Variants in SCML4 observed in about 807,000 individuals in gnomAD.
SCML4 encodes Scm polycomb group protein like 4.
A neutral mutation model predicts 41.1 loss-of-function variants in SCML4; 34 were observed. The ratio of observed to expected loss-of-function variants is 0.83; its 90% CI spans 0.63 to 1.10. The LOEUF is 1.10. SCML4 is among the 50% of genes least tolerant of loss of function. SCML4 has a pLI of 0.00. For missense variants in SCML4, 522 were observed against 534.1 expected (o/e 0.98, Z 0.22); for synonymous variants, 214 against 220.9 (o/e 0.97, Z 0.28).
intron 2 of SCML4, among the ~76,000 whole-genome samples, chr6:107,760,866 A>G (rs1779524998): frequency 7.2e-6 from 1 of 138,944 alleles, no homozygotes; most frequent in African/African-American, 2.5e-5. Context: ...TTGAAAATAT[A>G]TCTGGGGAAC....
chr6:107,754,134 C>T (rs1778916005), intron 2 of SCML4, among the ~76,000 whole-genome samples: 1 of 152,192 alleles, frequency 6.6e-6, no homozygotes, highest in Non-Finnish European at 1.5e-5. Flanking sequence ...CAACAGCAAG[C>T]ACATTGGCTG....
chr6:107,724,365 A>C (rs10428838), intron 5 of SCML4, among the ~76,000 whole-genome samples: 2,169 of 152,314 alleles, frequency 0.014, 48 homozygotes, highest in African/African-American at 0.049. Context: ...AAGTACAACT[A>C]TCTCTTATGT....
At chr6:107,787,085 T>C (rs941067711) in intron 1 of SCML4, among the ~76,000 whole-genome samples, 2 of 152,200 alleles carry the variant, frequency 1.3e-5, no homozygotes, top group African/African-American at 4.8e-5. Context: ...CTGGACAGAA[T>C]TCAGAGAGCT....
At chr6:107,733,172 C>A (rs910395696) in intron 5 of SCML4, among the ~76,000 whole-genome samples, 1 of 152,226 alleles carries the variant, frequency 6.6e-6, no homozygotes, top group African/African-American at 2.4e-5. Flanking sequence ...TCCCCTGACC[C>A]ACAGAAGCTG....
At chr6:107,754,621 C>G (rs1778955941) in intron 2 of SCML4, among the ~76,000 whole-genome samples, 1 of 152,188 alleles carries the variant, frequency 6.6e-6, no homozygotes, top group African/African-American at 2.4e-5. Context: ...GATAATAATG[C>G]TCACTGGGGA....
the SCML4 span, among the ~76,000 whole-genome samples, chr6:107,845,186 A>G: frequency 6.6e-6 from 1 of 152,210 alleles, no homozygotes; most frequent in African/African-American, 2.4e-5. Context: ...CAATGAGCCA[A>G]GAATGCACCA....
intron 6 of SCML4, among the ~76,000 whole-genome samples, chr6:107,714,112 G>A (rs1235942701): frequency 4.6e-5 from 7 of 152,158 alleles, no homozygotes; most frequent in African/African-American, 1.7e-4. Flanking sequence ...AGAGAGATGA[G>A]AGGGAAGAGA....
chr6:107,829,718 C>T, the SCML4 span, among the ~76,000 whole-genome samples: 614 of 152,026 alleles, frequency 4.0e-3, 10 homozygotes, highest in Non-Finnish European at 3.1e-3. Context: ...CAAACCTGCA[C>T]GTTCTGCACA....
At chr6:107,757,219 G>T (rs1779188039) in intron 2 of SCML4, among the ~76,000 whole-genome samples, 1 of 152,108 alleles carries the variant, frequency 6.6e-6, no homozygotes. Flanking sequence ...GGAGGACCTT[G>T]TCTAAGACAT....
At chr6:107,742,433 G>A (rs1777669331) in intron 5 of SCML4, among the ~76,000 whole-genome samples, 1 of 152,128 alleles carries the variant, frequency 6.6e-6, no homozygotes, top group African/African-American at 2.4e-5. Context: ...TGCATGTATA[G>A]GAAGGGCAGA....
At chr6:107,802,199 A>G (rs1278472807) in intron 1 of SCML4, among the ~76,000 whole-genome samples, 1 of 152,242 alleles carries the variant, frequency 6.6e-6, no homozygotes, top group African/African-American at 2.4e-5. Context: ...CGTGAGAGAC[A>G]GACAATAAAC....
At chr6:107,722,350 T>A (rs948805302) in intron 5 of SCML4, among the ~76,000 whole-genome samples, 5 of 152,028 alleles carry the variant, frequency 3.3e-5, no homozygotes, top group Non-Finnish European at 5.9e-5. Flanking sequence ...TTATTATTTT[T>A]ATGTGGAGTT....
chr6:107,753,192 A>T (rs1285064881), intron 2 of SCML4, among the ~76,000 whole-genome samples: 4 of 152,258 alleles, frequency 2.6e-5, no homozygotes, highest in South Asian at 2.1e-4. Flanking sequence ...AATGTTGGCA[A>T]GGATGTGGAG....
chr6:107,738,396 C>A (rs1777276164), intron 5 of SCML4, among the ~76,000 whole-genome samples: 1 of 151,500 alleles, frequency 6.6e-6, no homozygotes, highest in Admixed American at 6.6e-5. Flanking sequence ...CCGAAGCGGG[C>A]AGATCACCTG....
At chr6:107,720,153 T>C in intron 6 of SCML4, 1 of 964,768 alleles carries the variant, frequency 1.0e-6, no homozygotes, top group Middle Eastern at 5.3e-4. Flanking sequence ...TCCTTTCTCC[T>C]GGGCAGAGCT....
At chr6:107,706,737 C>T (rs933960734) in intron 7 of SCML4, among the ~76,000 whole-genome samples, 40 of 152,026 alleles carry the variant, frequency 2.6e-4, no homozygotes, top group East Asian at 3.9e-4. Flanking sequence ...GCTCCTTAAA[C>T]GTGGAAGAGG....
intron 1 of SCML4, among the ~76,000 whole-genome samples, chr6:107,800,295 TTTTA>T (rs1703896760): frequency 6.6e-6 from 1 of 152,198 alleles, no homozygotes; most frequent in African/African-American, 2.4e-5. Context: ...TTTTGCTTGG[TTTTA>T]TTTATTTCCC....
intron 5 of SCML4, among the ~76,000 whole-genome samples, chr6:107,738,427 G>A (rs1030871341): frequency 1.3e-5 from 2 of 151,576 alleles, no homozygotes; most frequent in African/African-American, 4.9e-5. Flanking sequence ...TTCAAGACCA[G>A]CCTGGGCAAC....
At chr6:107,721,176 G>T (rs74514008) in intron 5 of SCML4, among the ~76,000 whole-genome samples, 183 bp from the exon 6 acceptor site, 15,541 of 152,234 alleles carry the variant, frequency 0.1, 1,005 homozygotes, top group Middle Eastern at 0.16. Context: ...GCTGAGAGCT[G>T]CTTTGCCCAC....
Sources: gnomAD v4.1 joint callset for allele counts (sites outside exome capture counted in the v4.1 genomes callset) on GRCh38, gnomAD v4.1.1 for gene constraint, MANE v1.5 for transcripts, NCBI Gene and HGNC (gene_info 2026-07-23, HGNC 2026-07-21) for gene names.